Variants in WWTR1 observed in about 807,000 individuals in gnomAD.
WWTR1 encodes WW domain containing transcription regulator 1, also known as WW domain-containing transcription regulator protein 1.
A neutral mutation model predicts 40.1 loss-of-function variants in WWTR1; 13 were observed. The observed-to-expected ratio is 0.32, with a 90% confidence interval of 0.21 to 0.52. The LOEUF (loss-of-function observed/expected upper bound fraction) is 0.52. Among genes scored for constraint, WWTR1 ranks in the 20% least tolerant of loss-of-function variants. The pLI, the probability that WWTR1 is intolerant of heterozygous loss-of-function variation, is 0.97. For missense variants in WWTR1, 436 were observed against 523.1 expected (o/e 0.83, Z 1.63); for synonymous variants, 230 against 210.1 (o/e 1.09, Z -0.82).
chr3:149,690,653 T>G (rs2108212801), intron 1 of WWTR1, among the ~76,000 whole-genome samples: 1 of 152,242 alleles, frequency 6.6e-6, no homozygotes, highest in East Asian at 1.9e-4. Context: ...AGATAGATCC[T>G]AATATAATAA....
chr3:149,567,351 A>G (rs1737381095), intron 3 of WWTR1, among the ~76,000 whole-genome samples: 1 of 152,246 alleles, frequency 6.6e-6, no homozygotes, highest in African/African-American at 2.4e-5. Flanking sequence ...AATGTTCTTC[A>G]CTTAGAACTC....
At chr3:149,538,660 T>G (rs1405114186) in intron 4 of WWTR1, among the ~76,000 whole-genome samples, 2 of 152,186 alleles carry the variant, frequency 1.3e-5, no homozygotes, top group Non-Finnish European at 2.9e-5. Context: ...ATCCTAATTC[T>G]GTAGCCAGTA....
At chr3:149,577,368 T>C (rs1737932507) in intron 2 of WWTR1, among the ~76,000 whole-genome samples, 1 of 151,924 alleles carries the variant, frequency 6.6e-6, no homozygotes, top group Non-Finnish European at 1.5e-5. Context: ...AAAAGAAAAA[T>C]CCTCTACAAG....
rs546805859 is a variant in WWTR1 at position 149,528,101 on chromosome 3, G to A, written c.772-132C>T. ...TACTCCCAGCAAGTCAAAATCACCA[G>A]GCAACCATTAGTATTCTTTCTCCGA... On this transcript the variant is annotated intron_variant, in intron 4 of 6. Coordinates refer to ENST00000360632, the MANE Select transcript of WWTR1 (RefSeq NM_015472.6). The A allele has an allele frequency of 2.6e-3, 2,949 of 1,153,930 alleles. 6 individuals are homozygous for A. The highest frequency in any genetic ancestry group is 3.2e-3 in the Non-Finnish European group (2,718 of 837,604). The allele number at this position is 1,153,930 out of a possible 1,614,324, so 71.5% of individuals were successfully genotyped here.
chr3:149,692,366 G>T (rs2108214434), intron 1 of WWTR1, among the ~76,000 whole-genome samples: 1 of 152,268 alleles, frequency 6.6e-6, no homozygotes, highest in South Asian at 2.1e-4. Flanking sequence ...ATCAAAGAAT[G>T]TGATACATCA....
At chr3:149,552,596 G>C (rs542336378) in intron 3 of WWTR1, among the ~76,000 whole-genome samples, 11 of 152,276 alleles carry the variant, frequency 7.2e-5, no homozygotes, top group Admixed American at 3.9e-4. Flanking sequence ...CTTACTTCCA[G>C]AGCATAGTTG....
chr3:149,549,203 T>C (rs1736505086), intron 3 of WWTR1, among the ~76,000 whole-genome samples: 1 of 152,140 alleles, frequency 6.6e-6, no homozygotes, highest in Non-Finnish European at 1.5e-5. Context: ...CAGGATTGAA[T>C]GAGTGGTGGC....
At chr3:149,594,381 G>A (rs540923385) in intron 2 of WWTR1, among the ~76,000 whole-genome samples, 24 of 151,898 alleles carry the variant, frequency 1.6e-4, no homozygotes, top group African/African-American at 4.3e-4. Context: ...TGAGCAAGCC[G>A]ATGTAAAAAA....
At chr3:149,657,587 A>T (rs1040054042) in intron 1 of WWTR1, 178 bp downstream of exon 1, 1 of 415,428 alleles carries the variant, frequency 2.4e-6, no homozygotes, top group Non-Finnish European at 4.3e-6. Context: ...GAATAACTGC[A>T]CTCGGGGCTT....
intron 2 of WWTR1, among the ~76,000 whole-genome samples, chr3:149,577,375 C>T (rs990626128): frequency 2.6e-5 from 4 of 152,132 alleles, no homozygotes; most frequent in African/African-American, 9.7e-5. Flanking sequence ...AAATCCTCTA[C>T]AAGTGCTTCC....
intron 2 of WWTR1, among the ~76,000 whole-genome samples, chr3:149,640,010 A>AAAAGAAAGAAAGAAAG (rs1179547242): frequency 1.4e-5 from 2 of 140,344 alleles, no homozygotes; most frequent in South Asian, 2.1e-4. Context: ...AAAAAAAAAA[A>AAAAGAAAGAAAGAAAG]AAAGAAAGAA....
intron 3 of WWTR1, among the ~76,000 whole-genome samples, chr3:149,545,942 TG>T (rs1736343939): frequency 1.3e-5 from 2 of 152,254 alleles, no homozygotes; most frequent in South Asian, 4.1e-4. Context: ...CCCTTGTCGG[TG>T]TACAAAATGC....
chr3:149,534,240 CA>C (rs1735723301), intron 4 of WWTR1, among the ~76,000 whole-genome samples: 1 of 152,034 alleles, frequency 6.6e-6, no homozygotes, highest in Non-Finnish European at 1.5e-5. Flanking sequence ...CGTGACAACC[CA>C]ATTGTCTCCA....
chr3:149,634,619 G>T (rs1329190047), intron 2 of WWTR1, among the ~76,000 whole-genome samples: 1 of 152,190 alleles, frequency 6.6e-6, no homozygotes, highest in Non-Finnish European at 1.5e-5. Context: ...CACAATAAAT[G>T]GTTGAATGAC....
intron 1 of WWTR1, 93 bp from the exon 2 acceptor site, chr3:149,657,402 G>T: frequency 7.3e-7 from 1 of 1,376,246 alleles, no homozygotes; most frequent in Non-Finnish European, 9.7e-7. Flanking sequence ...GTGGGAGAAA[G>T]AATAGAGGGA....
chr3:149,634,127 G>C (rs188125574), intron 2 of WWTR1, among the ~76,000 whole-genome samples: 69 of 152,256 alleles, frequency 4.5e-4, no homozygotes, highest in African/African-American at 1.5e-3. Flanking sequence ...AAATAATGAA[G>C]ACCCAACCAT....
chr3:149,591,478 A>G (rs2108030915), intron 2 of WWTR1, among the ~76,000 whole-genome samples: 1 of 152,318 alleles, frequency 6.6e-6, no homozygotes, highest in East Asian at 1.9e-4. Context: ...GGGCTGTTGT[A>G]TAAAATGTGT....
intron 2 of WWTR1, among the ~76,000 whole-genome samples, chr3:149,623,874 C>T (rs934534045): frequency 6.6e-6 from 1 of 152,178 alleles, no homozygotes; most frequent in African/African-American, 2.4e-5. Context: ...TGCATCTCCT[C>T]GTTACCTTCA....
intron 2 of WWTR1, among the ~76,000 whole-genome samples, chr3:149,620,265 G>A (rs1740205520): frequency 6.6e-6 from 1 of 152,098 alleles, no homozygotes; most frequent in African/African-American, 2.4e-5. Context: ...CCCATAAAGG[G>A]AAGCGTGGCA....
Sources: gnomAD v4.1 joint callset for allele counts (sites outside exome capture counted in the v4.1 genomes callset) on GRCh38, gnomAD v4.1.1 for gene constraint, MANE v1.5 for transcripts, NCBI Gene and HGNC (gene_info 2026-07-23, HGNC 2026-07-21) for gene names.